EHBP1L1: variants seen among roughly 807,000 people sequenced by gnomAD.
The protein encoded by EHBP1L1 is EH domain-binding protein 1-like protein 1.
A neutral mutation model predicts 151.1 loss-of-function variants in EHBP1L1; 122 were observed. The observed-to-expected ratio is 0.81, with a 90% CI of 0.70 to 0.94. The LOEUF is 0.94. Among genes scored for constraint, EHBP1L1 ranks in the 40% least tolerant of loss-of-function variants. The probability of loss-of-function intolerance (pLI) is 0.00; values close to 1 mark genes in which losing one functional copy is unlikely to be tolerated. For missense variants in EHBP1L1, 1,941 were observed against 1,959.8 expected (o/e 0.99, Z 0.18); for synonymous variants, 878 against 810.1 (o/e 1.08, Z -1.42).
rs1565118831 is a variant in EHBP1L1 at position 65,579,108 on chromosome 11, C to CCGT, written c.138_140dup (p.Arg47dup). 6.3e-7 allele frequency: 1 copy of CCGT among 1,594,618 alleles called. No homozygotes were observed. The highest frequency in any genetic ancestry group is 8.5e-7 in the Non-Finnish European group (1 of 1,170,792). On this transcript the variant is annotated inframe_insertion, in exon 2 of 19. Coordinates refer to ENST00000309295, the MANE Select transcript of EHBP1L1 (RefSeq NM_001099409.3). ...CAGATAAGCTGGTGGTGGTATGGACCCGTCGGAACCGACGCATCTGCTCCA... is the reference window on the plus strand; with the variant it reads ...CAGATAAGCTGGTGGTGGTATGGACCCGTCGTCGGAACCGACGCATCTGCTCCA...
chr11:65,587,183 G>GC (rs1858014024), intron 12 of EHBP1L1, among the ~76,000 whole-genome samples: 1 of 152,174 alleles, frequency 6.6e-6, no homozygotes, highest in Non-Finnish European at 1.5e-5. Flanking sequence ...GACCATCCTG[G>GC]CCAACATGGT....
rs767151691 is a variant in EHBP1L1, at chr11:65,582,984, G to T, written c.2312G>T (p.Gly771Val). The change falls in exon 9 of 19, where the codon GGT becomes GTT. Residue 771 changes from glycine to valine, a missense_variant. Transcript: ENST00000309295. ...VLGIETGAAE[G>V]AILGTQEIAS... ...GGAATAGAGACTGGGGCAGCAGAAGGTGCGATATTGGGGACCCAAGAGATA... is the reference window on the plus strand; with the variant it reads ...GGAATAGAGACTGGGGCAGCAGAAGTTGCGATATTGGGGACCCAAGAGATA... The T allele has an allele frequency of 2.6e-5, 42 of 1,612,908 alleles. No homozygotes were observed. In the Admixed American group the frequency reaches 6.3e-4, roughly 24 times the overall value.
At chr11:65,578,840 C>A (rs530590336) in intron 1 of EHBP1L1, among the ~76,000 whole-genome samples, 83 of 152,242 alleles carry the variant, frequency 5.5e-4, no homozygotes, top group Non-Finnish European at 4.7e-4. Flanking sequence ...ATAGTCCCTG[C>A]CTGCCCACAC....
intron 1 of EHBP1L1, 76 bp from the exon 2 acceptor site, chr11:65,579,002 G>C: frequency 7.1e-7 from 1 of 1,399,098 alleles, no homozygotes; most frequent in Non-Finnish European, 9.8e-7. Flanking sequence ...GGGGGAGGAG[G>C]AAGAGGAGAT....
chr11:65,579,908 C>T lies in EHBP1L1; in HGVS notation c.259-28C>T, dbSNP rs186277750. 457 of 1,613,330 alleles carry T rather than the reference C, an allele frequency of 2.8e-4. 1 individual carries two copies. The African/African-American group carries it at 5.7e-3, about 20-fold the overall frequency. ...TCCCTTTGCTGCTGCCCCAACAGTCCTGTACTCACCAGCACCCTTCTTCCC... is the reference window on the plus strand; with the variant it reads ...TCCCTTTGCTGCTGCCCCAACAGTCTTGTACTCACCAGCACCCTTCTTCCC... On this transcript the variant is annotated intron_variant, in intron 3 of 18. Transcript: ENST00000309295.
chr11:65,576,368 C>G lies in EHBP1L1; in HGVS notation c.66C>G (p.Ala22=). 6.3e-7 allele frequency: 1 copy of G among 1,596,972 alleles called. No homozygotes were observed. Residue 22 remains alanine (A), a synonymous_variant, in exon 1 of 19, where the codon GCC becomes GCG. Coordinates refer to ENST00000309295, the MANE Select transcript of EHBP1L1 (RefSeq NM_001099409.3). ...GKRAAKFQFV[A]CYHELVLECT... ...GGGCGGCCAAGTTCCAGTTCGTGGC[C>G]TGTTACCACGAGCTAGTGTTGGAGT...
At position 65,590,542 on chromosome 11, in the gene EHBP1L1, G is replaced by C; in HGVS notation, c.4233G>C (p.Leu1411=). 1 of 1,613,640 alleles carries C rather than the reference G, an allele frequency of 6.2e-7. No homozygotes were observed. The highest frequency in any genetic ancestry group is 8.5e-7 in the Non-Finnish European group (1 of 1,179,856). The part of the protein sequence containing the change: ...EEVLIQEWFT[L]VNKKNALIRR... ...TGCTGATCCAGGAGTGGTTCACCCT[G>C]GTCAACAAGAAGAACGCTCTCATCC... The change falls in exon 16 of 19, where the codon CTG becomes CTC. Residue 1411 remains leucine, a synonymous_variant. Coordinates refer to ENST00000309295, the MANE Select transcript of EHBP1L1 (RefSeq NM_001099409.3).
Position 65,581,347 on chromosome 11 carries a change from G to A in EHBP1L1, c.840G>A (p.Arg280=), listed in dbSNP as rs772700989. The change falls in exon 8 of 19, where the codon AGG becomes AGA. Residue 280 remains arginine, a synonymous_variant. Coordinates refer to ENST00000309295, the MANE Select transcript of EHBP1L1 (RefSeq NM_001099409.3). ...GCCAGGTAGGCCCTGAGGCCCCAAGGCCCCCGGAAACCTCACCAGAGATGA... is the reference window on the plus strand; with the variant it reads ...GCCAGGTAGGCCCTGAGGCCCCAAGACCCCCGGAAACCTCACCAGAGATGA... ...AGGQVGPEAP[R]PPETSPEMRS... is the part of the protein sequence containing the mutation. 3 of 1,584,706 alleles carry A rather than the reference G, an allele frequency of 1.9e-6. No homozygotes were observed. Among genetic ancestry groups the A allele is most frequent in the South Asian group, 2.3e-5 (2 of 87,844 alleles).
intron 9 of EHBP1L1, 159 bp from the exon 10 acceptor site, chr11:65,584,082 G>GA: frequency 6.8e-7 from 1 of 1,464,046 alleles, no homozygotes; most frequent in East Asian, 2.4e-5. Flanking sequence ...CCTGGATCTA[G>GA]AAACCCTTTT....
Position 65,580,102 on chromosome 11 carries a change from G to A in EHBP1L1, c.334G>A (p.Val112Met), listed in dbSNP as rs776024729. ...ACAGGAGTCTAAGGGGCAGCGGAAG[G>A]TGCTGGCCACGGCCGAGGTGGACCT... ...IENESKGQRK[V>M]LATAEVDLAR... is the part of the protein sequence containing the mutation. The change falls in exon 5 of 19, where the codon GTG becomes ATG. Residue 112 changes from valine to methionine, a missense_variant. Physicochemically the swap from Val to Met is conservative, Grantham distance 21 (BLOSUM62 1). Transcript: ENST00000309295. The A allele has an allele frequency of 3.1e-6, 5 of 1,613,222 alleles. No individual in the cohort carries two copies. The highest frequency in any genetic ancestry group is 1.3e-5 in the African/African-American group (1 of 74,934).
Position 65,583,084 on chromosome 11 carries a change from A to G in EHBP1L1, c.2412A>G (p.Ser804=). 1 of 1,613,378 alleles carries G rather than the reference A, an allele frequency of 6.2e-7. No homozygotes were observed. Among genetic ancestry groups the G allele is most frequent in the African/African-American group, 1.3e-5 (1 of 74,938 alleles). ...TGIQVKEVGG[S]EVPEIATGTA... ...TCCAGGTGAAAGAGGTTGGGGGTTC[A>G]GAGGTTCCAGAGATAGCGACTGGGA... The change falls in exon 9 of 19, where the codon TCA becomes TCG. Residue 804 remains serine (S), a synonymous_variant. Coordinates refer to ENST00000309295, the MANE Select transcript of EHBP1L1 (RefSeq NM_001099409.3).
rs565396684 is a variant in EHBP1L1, at chr11:65,580,450, C to T, written c.605C>T (p.Pro202Leu). 2.8e-5 allele frequency: 45 copies of T among 1,613,130 alleles called. No individual in the cohort carries two copies. The highest frequency in any genetic ancestry group is 2.3e-4 in the South Asian group (21 of 91,080). ...GATGAGGCTCATGGCCCAGGAGCCC[C>T]GGAGGCCCGGGCTCGAGTCCCCCAG... ...DEDEAHGPGA[P>L]EARARVPQPD... The change falls in exon 6 of 19, where the codon CCG becomes CTG. Residue 202 changes from proline to leucine, a missense_variant. Physicochemically the swap from Pro to Leu is moderately conservative, Grantham distance 98. Transcript: ENST00000309295.
chr11:65,581,664 C>T lies in EHBP1L1; in HGVS notation c.992C>T (p.Pro331Leu), dbSNP rs1158683753. ...GAGGTCCCCAAAGCCTCAGGGGCTC[C>T]TCCAGCAGGATTGGGCTCTGCTAGG... ...EDEVPKASGAPPAGLGSARET... is the reference protein window; with the variant it reads ...EDEVPKASGALPAGLGSARET... The change falls in exon 9 of 19, where the codon CCT becomes CTT. Residue 331 changes from proline to leucine, a missense_variant. By Grantham distance (98) the Pro-to-Leu change is moderately conservative. Coordinates refer to ENST00000309295, the MANE Select transcript of EHBP1L1 (RefSeq NM_001099409.3). 1 of 1,564,612 alleles carries T rather than the reference C, an allele frequency of 6.4e-7. No individual in the cohort carries two copies. Among genetic ancestry groups the T allele is most frequent in the South Asian group, 1.2e-5 (1 of 85,336 alleles).
Position 65,583,758 on chromosome 11 carries a change from G to A in EHBP1L1, c.3086G>A (p.Gly1029Asp). Reference sequence around the variant, plus strand: ...GCTGAAGAGGACAGGAGGCTGCCGGGCAGCCAGGTAGGGATGGGGGCCGCC... The same window carrying A: ...GCTGAAGAGGACAGGAGGCTGCCGGACAGCCAGGTAGGGATGGGGGCCGCC... The part of the protein sequence containing the change: ...EKAEEDRRLP[G>D]SQAPPALVSS... The change falls in exon 9 of 19, where the codon GGC becomes GAC. Residue 1029 changes from glycine to aspartate, a missense_variant. Transcript: ENST00000309295. The A allele has an allele frequency of 6.7e-7, 1 of 1,488,710 alleles. No individual in the cohort carries two copies. 92.2% of individuals were successfully genotyped at this position (1,488,710 alleles called of 1,614,324 possible).
rs752213148 is a variant in EHBP1L1, at chr11:65,590,219, T to C, written c.4183+9T>C. On this transcript the variant is annotated intron_variant, in intron 15 of 18. Transcript: ENST00000309295. ...GAGCCTCATGGAGTCAGGTGGGGCA[T>C]ACATCTAGGGATCCCTTCCCCAACA... The C allele has an allele frequency of 1.2e-6, 2 of 1,612,346 alleles. No individual in the cohort carries two copies. Among genetic ancestry groups the C allele is most frequent in the African/African-American group, 1.3e-5 (1 of 74,862 alleles).
In EHBP1L1 at chr11:65,590,493, G is replaced by T. The variant is rs1858215030; in HGVS notation, c.4184G>T (p.Gly1395Val). The T allele has an allele frequency of 6.2e-7, 1 of 1,612,998 alleles. No homozygotes were observed. The highest frequency in any genetic ancestry group is 1.1e-5 in the South Asian group (1 of 91,030). ...EMQLRSLMES[G>V]ANKLQEEVLI... ...TGGTGACTGTCCCTGTCCAATGCAG[G>T]TGCCAACAAGCTGCAGGAGGAGGTG... The change falls in exon 16 of 19, where the codon GGT (glycine) becomes GTT (valine). Residue 1395 changes from glycine (G) to valine (V), a missense_variant and splice_region_variant. By Grantham distance (109) the Gly-to-Val change is moderately radical. Coordinates refer to ENST00000309295, the MANE Select transcript of EHBP1L1 (RefSeq NM_001099409.3).
intron 1 of EHBP1L1, among the ~76,000 whole-genome samples, chr11:65,577,609 A>G (rs1432383839): frequency 6.6e-6 from 1 of 152,050 alleles, no homozygotes; most frequent in African/African-American, 2.4e-5. Context: ...GCCCCTGCCC[A>G]GGTTGCAGCT....
rs1857898990 is a variant in EHBP1L1, at chr11:65,585,254, G to A, written c.3596G>A (p.Arg1199His). The A allele has an allele frequency of 2.7e-6, 3 of 1,096,018 alleles. No individual in the cohort carries two copies. Among genetic ancestry groups the A allele is most frequent in the Middle Eastern group, 4.1e-4 (1 of 2,454 alleles). The allele number at this position is 1,096,018 out of a possible 1,614,324, so 67.9% of individuals were successfully genotyped here. A position where few individuals can be genotyped will look rare whatever the true frequency, so the allele number is the denominator to read the frequency against. The change falls in exon 12 of 19, where the codon CGC becomes CAC. Residue 1199 changes from arginine (R) to histidine (H), a missense_variant. Arg to His is a conservative substitution (Grantham distance 29). Coordinates refer to ENST00000309295, the MANE Select transcript of EHBP1L1 (RefSeq NM_001099409.3). The surrounding 1 kb of genome is among the most constrained non-coding windows in gnomAD (Gnocchi z 4.0). ...CAGGAGCCCAAGGAGGCCGCAGACCGCGCAGACGGGGCGGCCCCGGGGGTG... is the reference window on the plus strand; with the variant it reads ...CAGGAGCCCAAGGAGGCCGCAGACCACGCAGACGGGGCGGCCCCGGGGGTG... Reference protein sequence around the residue: ...GPQEPKEAADRADGAAPGVAS... With the variant: ...GPQEPKEAADHADGAAPGVAS...
At position 65,585,683 on chromosome 11, in the gene EHBP1L1, G is replaced by A; in HGVS notation, c.3933+92G>A. On this transcript the variant is annotated intron_variant, in intron 12 of 18. Coordinates refer to ENST00000309295, the MANE Select transcript of EHBP1L1 (RefSeq NM_001099409.3). This position sits in a 1 kb window ranked among gnomAD's most constrained non-coding sequence, Gnocchi z 4.0. ...CGGGCGAGCCCCCAAGGGGCCCCAAGGACAGAGCTGGCGCGAGGGTGACGG... is the reference window on the plus strand; with the variant it reads ...CGGGCGAGCCCCCAAGGGGCCCCAAAGACAGAGCTGGCGCGAGGGTGACGG... 6.7e-7 allele frequency: 1 copy of A among 1,499,428 alleles called. No homozygotes were observed. The highest frequency in any genetic ancestry group is 8.9e-7 in the Non-Finnish European group (1 of 1,125,440). 92.9% of individuals were successfully genotyped at this position (1,499,428 alleles called of 1,614,324 possible).
Sources: gnomAD v4.1 joint callset for allele counts (sites outside exome capture counted in the v4.1 genomes callset) on GRCh38, gnomAD v4.1.1 for gene constraint, Gnocchi (gnomAD v3.1) non-coding constraint, MANE v1.5 for transcripts, NCBI Gene and HGNC (gene_info 2026-07-23, HGNC 2026-07-21) for gene names.